SLC25A12: variants seen among roughly 807,000 people sequenced by gnomAD.
SLC25A12 encodes the protein electrogenic aspartate/glutamate antiporter SLC25A12, mitochondrial.
In SLC25A12, 32 loss-of-function variants were observed where a neutral mutation model predicts 83.3. The ratio of observed to expected loss-of-function variants is 0.38; its 90% CI spans 0.29 to 0.52. The LOEUF (loss-of-function observed/expected upper bound fraction) is 0.52. Ranked by LOEUF, SLC25A12 falls within the 20% of genes least tolerant of loss-of-function variation. SLC25A12 has a pLI of 0.84. For synonymous variants in SLC25A12, 267 were observed against 291.1 expected, an observed-to-expected ratio of 0.92 and a Z score of 0.84; for missense variants, 611 against 835.6, an observed-to-expected ratio of 0.73 and a Z score of 3.31.
At chr2:171,813,072 A>T (rs1683980569) in intron 11 of SLC25A12, among the ~76,000 whole-genome samples, 1 of 152,190 alleles carries the variant, frequency 6.6e-6, no homozygotes, top group Non-Finnish European at 1.5e-5. Flanking sequence ...GCATGGTGAC[A>T]TAGACCCATG....
At chr2:171,809,508 T>C (rs1431855970) in intron 13 of SLC25A12, 98 bp downstream of exon 13, 10 of 925,294 alleles carry the variant, frequency 1.1e-5, no homozygotes, top group Non-Finnish European at 1.3e-5. Flanking sequence ...TAGAATCCCT[T>C]GAGTTCAAGA....
chr2:171,884,952 G>A (rs1049658272), intron 2 of SLC25A12, among the ~76,000 whole-genome samples: 6 of 151,464 alleles, frequency 4.0e-5, no homozygotes, highest in African/African-American at 7.3e-5. Flanking sequence ...GGTGGCTCAC[G>A]CCTATAATCC....
chr2:171,847,672 A>G (rs1007548361), intron 4 of SLC25A12, among the ~76,000 whole-genome samples: 10 of 152,352 alleles, frequency 6.6e-5, no homozygotes, highest in Admixed American at 6.5e-4. Flanking sequence ...TATTGGCAGC[A>G]AAATCACGAT....
intron 9 of SLC25A12, 25 bp downstream of exon 9, chr2:171,826,773 A>C: frequency 7.5e-7 from 1 of 1,330,888 alleles, no homozygotes; most frequent in Non-Finnish European, 1.1e-6. Flanking sequence ...TTTTAAGGTG[A>C]TCATATTTAT....
chr2:171,874,588 A>G (rs1417360554), intron 2 of SLC25A12, among the ~76,000 whole-genome samples: 1 of 152,194 alleles, frequency 6.6e-6, no homozygotes, highest in Non-Finnish European at 1.5e-5. Flanking sequence ...AGAGGTGTCT[A>G]TTCTCTAATA....
chr2:171,789,488 A>G (rs1286764482), intron 15 of SLC25A12, among the ~76,000 whole-genome samples: 1 of 152,116 alleles, frequency 6.6e-6, no homozygotes, highest in Non-Finnish European at 1.5e-5. Context: ...TTGGCCTCCC[A>G]AAGTGCTGGG....
At chr2:171,858,727 T>G (rs1239205610) in intron 3 of SLC25A12, among the ~76,000 whole-genome samples, 1 of 152,206 alleles carries the variant, frequency 6.6e-6, no homozygotes, top group African/African-American at 2.4e-5. Flanking sequence ...AACACTAGGT[T>G]TCCGGTCCCA....
At chr2:171,815,278 T>G in intron 9 of SLC25A12, 76 bp from the exon 10 acceptor site, 1 of 1,040,296 alleles carries the variant, frequency 9.6e-7, no homozygotes, top group Non-Finnish European at 1.5e-6. Flanking sequence ...TTTGACTATT[T>G]TAAGACAAGA....
intron 9 of SLC25A12, among the ~76,000 whole-genome samples, chr2:171,826,470 T>C (rs1422494905): frequency 6.6e-6 from 1 of 152,058 alleles, no homozygotes; most frequent in Non-Finnish European, 1.5e-5. Flanking sequence ...TAGCCAGTTG[T>C]GGTGGTGCAC....
Position 171,834,063 on chromosome 2 carries a change from C to T in SLC25A12, c.752-7G>A, listed in dbSNP as rs1445357266. The T allele has an allele frequency of 6.5e-7, 1 of 1,547,992 alleles. No homozygotes were observed. Among genetic ancestry groups the T allele is most frequent in the African/African-American group, 1.4e-5 (1 of 73,306 alleles). ...GCACTCTGGGCAAATTCCTCTGGAA[C>T]AGAGAAAAAAAAAGTTAAAATCTTG... On this transcript the variant is annotated splice_region_variant and splice_polypyrimidine_tract_variant and intron_variant, in intron 7 of 17. Transcript: ENST00000422440.
chr2:171,793,896 A>AG, intron 13 of SLC25A12, 129 bp from the exon 14 acceptor site: 5 of 1,057,570 alleles, frequency 4.7e-6, no homozygotes, highest in Non-Finnish European at 7.1e-6. Flanking sequence ...TTCCTTCCTC[A>AG]GGGGGGAATG....
At chr2:171,817,142 C>T (rs144427946) in intron 9 of SLC25A12, among the ~76,000 whole-genome samples, 1 of 152,268 alleles carries the variant, frequency 6.6e-6, no homozygotes, top group East Asian at 1.9e-4. Flanking sequence ...TGATCTTGTA[C>T]TTTCTAGCCT....
intron 5 of SLC25A12, among the ~76,000 whole-genome samples, chr2:171,838,089 A>G (rs764830608): frequency 1.3e-5 from 2 of 152,238 alleles, no homozygotes; most frequent in East Asian, 1.9e-4. Context: ...GTTAGCAAAC[A>G]TAACAATGGT....
At chr2:171,852,667 C>A (rs1406291799) in intron 4 of SLC25A12, 6 of 455,394 alleles carry the variant, frequency 1.3e-5, no homozygotes, top group Non-Finnish European at 2.6e-5. Context: ...TGAAAACTGA[C>A]CTTTACCCCA....
chr2:171,854,775 T>C (rs1035826908), intron 4 of SLC25A12, among the ~76,000 whole-genome samples: 21 of 152,264 alleles, frequency 1.4e-4, no homozygotes, highest in Non-Finnish European at 2.6e-4. Flanking sequence ...GCAGTGATAA[T>C]TTTTCCTTCA....
At chr2:171,811,417 C>T (rs1683943458) in intron 11 of SLC25A12, among the ~76,000 whole-genome samples, 1 of 152,202 alleles carries the variant, frequency 6.6e-6, no homozygotes. Context: ...TTTAATCTAA[C>T]TCCCATACAA....
At chr2:171,831,941 T>A (rs1270833500) in intron 8 of SLC25A12, among the ~76,000 whole-genome samples, 1 of 151,962 alleles carries the variant, frequency 6.6e-6, no homozygotes, top group Non-Finnish European at 1.5e-5. Flanking sequence ...TAACAACAGC[T>A]AGATCTTCCC....
At position 171,855,836 on chromosome 2, in the gene SLC25A12, A is replaced by T. The variant is rs1401963023; in HGVS notation, c.323T>A (p.Phe108Tyr). 1.9e-6 allele frequency: 3 copies of T among 1,568,704 alleles called. No homozygotes were observed. Among genetic ancestry groups the T allele is most frequent in the Non-Finnish European group, 2.6e-6 (3 of 1,138,522 alleles). Residue 108 changes from phenylalanine to tyrosine, a missense_variant and splice_region_variant, in exon 4 of 18, where the codon TTT becomes TAT. Phe to Tyr is a conservative substitution (Grantham distance 22, BLOSUM62 3). This residue lies in a region of SLC25A12 where 540 missense variants were observed against 777.5 expected (regional missense o/e 0.69). Transcript: ENST00000422440. ...FDKSGNGEVT[F>Y]ENVKEIFGQT... is the part of the protein sequence containing the mutation. Reference sequence around the variant, plus strand: ...TTATAATCTTCTTTTTCCCTTACCAAATGTCACCTCTCCATTTCCACTCTT... The same window carrying T: ...TTATAATCTTCTTTTTCCCTTACCATATGTCACCTCTCCATTTCCACTCTT...
chr2:171,821,526 T>C (rs571129384), intron 9 of SLC25A12, among the ~76,000 whole-genome samples: 1 of 152,334 alleles, frequency 6.6e-6, no homozygotes, highest in Admixed American at 6.5e-5. Flanking sequence ...TTTTGATCAA[T>C]CTGGATAGTA....
Sources: gnomAD v4.1 joint callset for allele counts (sites outside exome capture counted in the v4.1 genomes callset) on GRCh38, gnomAD v4.1.1 for gene constraint, gnomAD v4.1.1 regional missense constraint, MANE v1.5 for transcripts, NCBI Gene and HGNC (gene_info 2026-07-23, HGNC 2026-07-21) for gene names.